PCDHGB2: variants seen among roughly 807,000 people sequenced by gnomAD.
PCDHGB2 encodes protocadherin gamma subfamily B, 2, also known as protocadherin gamma-B2.
In PCDHGB2, 55 loss-of-function variants were observed where a neutral mutation model predicts 59.3. The observed-to-expected ratio is 0.93, with a 90% confidence interval of 0.75 to 1.16. The LOEUF (loss-of-function observed/expected upper bound fraction) is 1.16, where lower values mean the gene tolerates loss of function less well. Ranked by LOEUF, PCDHGB2 falls within the 50% of genes most tolerant of loss-of-function variation. The pLI, the probability that PCDHGB2 is intolerant of heterozygous loss-of-function variation, is 0.00. For synonymous variants in PCDHGB2, 516 were observed against 512.0 expected (o/e 1.01, Z -0.11); for missense variants, 1,228 against 1,198.5 (o/e 1.02, Z -0.36).
rs1002764667 is a variant in PCDHGB2, at chr5:141,468,260, G to A, written c.2422-26547G>A. 4.0e-5 allele frequency among the ~76,000 whole-genome samples: 6 copies of A among 150,102 alleles called. No homozygotes were observed. The East Asian group carries it at 1.2e-3, about 30-fold the overall frequency. ...GAATTGCCTGAACCTGGGAGGCAGA[G>A]GTTGTGGTGAGCCGAGACCACGCCA... On this transcript the variant is annotated intron_variant, in intron 1 of 3. Coordinates refer to ENST00000522605, the MANE Select transcript of PCDHGB2 (RefSeq NM_018923.3).
At chr5:141,461,981 G>A (rs755173695) in intron 1 of PCDHGB2, among the ~76,000 whole-genome samples, 4 of 152,078 alleles carry the variant, frequency 2.6e-5, no homozygotes, top group Non-Finnish European at 5.9e-5. Context: ...ATGCCACCAC[G>A]CCAGGCTAAT....
intron 3 of PCDHGB2, among the ~76,000 whole-genome samples, chr5:141,510,147 C>T (rs1416633745): frequency 1.3e-5 from 2 of 151,984 alleles, no homozygotes; most frequent in Non-Finnish European, 2.9e-5. Flanking sequence ...GTGGTGTGCA[C>T]CTGTAATCTC....
intron 1 of PCDHGB2, chr5:141,388,296 T>G: frequency 1.2e-6 from 2 of 1,613,704 alleles, no homozygotes; most frequent in Non-Finnish European, 1.7e-6. Flanking sequence ...GCAAAATTCC[T>G]TTGAGCTGCA....
chr5:141,383,820 A>T, intron 1 of PCDHGB2: 1 of 1,613,924 alleles, frequency 6.2e-7, no homozygotes, highest in East Asian at 2.2e-5. Context: ...TAGAAGGATT[A>T]GATTATGAAG....
At chr5:141,394,019 T>C in intron 1 of PCDHGB2, 1 of 1,613,522 alleles carries the variant, frequency 6.2e-7, no homozygotes, top group Non-Finnish European at 8.5e-7. Flanking sequence ...GTAATTATTA[T>C]AGATTAGTGA....
chr5:141,497,502 T>C (rs1216218103), intron 2 of PCDHGB2, among the ~76,000 whole-genome samples: 1 of 151,628 alleles, frequency 6.6e-6, no homozygotes, highest in East Asian at 1.9e-4. Flanking sequence ...CTCTCCTCTC[T>C]CTGCTTCCTT....
rs143907071 is a variant in PCDHGB2, at chr5:141,372,926, G to A, written c.2421+10370G>A. 48 of 943,814 alleles carry A rather than the reference G, an allele frequency of 5.1e-5. No individual in the cohort carries two copies. In the African/African-American group the frequency reaches 7.5e-4, roughly 15 times the overall value. 58.5% of individuals were successfully genotyped at this position (943,814 alleles called of 1,614,324 possible). On this transcript the variant is annotated intron_variant, in intron 1 of 3. Coordinates refer to ENST00000522605, the MANE Select transcript of PCDHGB2 (RefSeq NM_018923.3). ...GATTACATTATTTTATTGATTTTCT[G>A]GTGTAGAGTAGGGTGTCTAGGAAAT...
At chr5:141,397,706 T>G (rs2093559040) in intron 1 of PCDHGB2, among the ~76,000 whole-genome samples, 1 of 152,246 alleles carries the variant, frequency 6.6e-6, no homozygotes, top group African/African-American at 2.4e-5. Flanking sequence ...CAACGTGATA[T>G]TTCTAACAAT....
intron 1 of PCDHGB2, chr5:141,371,710 CTCT>C: frequency 6.2e-7 from 1 of 1,614,076 alleles, no homozygotes; most frequent in Non-Finnish European, 8.5e-7. Flanking sequence ...AAGACCATCA[CTCT>C]GCACATCCTT....
In PCDHGB2 at chr5:141,511,125, A is replaced by T. The variant is rs755685600; in HGVS notation, c.2748A>T (p.Ala916=). Residue 916 remains alanine, a synonymous_variant, in exon 4 of 4, where the codon GCA becomes GCT. Transcript: ENST00000522605. ...GCAAGCGGGATGGCAAGGCCCCAGCAGGTGGCAATGGCAACAAGAAGAAGT... is the reference window on the plus strand; with the variant it reads ...GCAAGCGGGATGGCAAGGCCCCAGCTGGTGGCAATGGCAACAAGAAGAAGT... ...AAGKRDGKAP[A]GGNGNKKKSG... 2 of 1,614,216 alleles carry T rather than the reference A, an allele frequency of 1.2e-6. No individual in the cohort carries two copies. The highest frequency in any genetic ancestry group is 2.2e-5 in the South Asian group (2 of 91,092).
rs2734872 is a variant in PCDHGB2 at position 141,474,454 on chromosome 5, C to T, written c.2422-20353C>T. On this transcript the variant is annotated intron_variant, in intron 1 of 3. Transcript: ENST00000522605. ...ACACTTTGAGTAGCAAGTGATTGGG[C>T]TATACTCTTTATTCTAAATTCTAAA... Among the ~76,000 whole-genome samples, 6 of 152,308 alleles carry T rather than the reference C, an allele frequency of 3.9e-5. No individual in the cohort carries two copies. The East Asian group carries it at 1.2e-3, about 29-fold the overall frequency.
chr5:141,366,580 G>A (rs759906003), intron 1 of PCDHGB2: 19 of 1,614,132 alleles, frequency 1.2e-5, no homozygotes, highest in Non-Finnish European at 4.2e-6. Context: ...GGGCTTTCCT[G>A]CAGACCTATT....
At position 141,477,811 on chromosome 5, in the gene PCDHGB2, C is replaced by T. The variant is rs1211574518; in HGVS notation, c.2422-16996C>T. The T allele has an allele frequency of 6.2e-7, 1 of 1,614,164 alleles. No homozygotes were observed. The highest frequency in any genetic ancestry group is 8.5e-7 in the Non-Finnish European group (1 of 1,180,026). ...TCACTGATCGCAATGACAATGCCCC[C>T]CAGGTCCTATATCCTCGGCCAGGTG... is the stretch of plus-strand genomic sequence containing the variant. On this transcript the variant is annotated intron_variant, in intron 1 of 3. Transcript: ENST00000522605. The surrounding 1 kb of genome is among the most constrained non-coding windows in gnomAD (Gnocchi z 4.9).
At chr5:141,365,004 C>T (rs746525916) in intron 1 of PCDHGB2, 10 of 1,613,936 alleles carry the variant, frequency 6.2e-6, no homozygotes, top group South Asian at 4.4e-5. Flanking sequence ...CTCTCCGGCA[C>T]CACGCACATC....
intron 1 of PCDHGB2, among the ~76,000 whole-genome samples, chr5:141,454,458 G>A (rs535843071): frequency 5.3e-5 from 8 of 152,322 alleles, no homozygotes; most frequent in Non-Finnish European, 1.5e-5. Flanking sequence ...CCAGGCTGGA[G>A]TGCAATGGCA....
Position 141,491,699 on chromosome 5 carries a change from A to G in PCDHGB2, c.2422-3108A>G. The G allele has an allele frequency of 6.2e-7, 1 of 1,612,008 alleles. No individual in the cohort carries two copies. The highest frequency in any genetic ancestry group is 1.1e-5 in the South Asian group (1 of 90,926). ...TCTAATACGCTGCGGGAGCGGAGCC[A>G]GGTGAGGGGCTCGGCGCCGCCCCGG... On this transcript the variant is annotated intron_variant, in intron 1 of 3. Transcript: ENST00000522605. The surrounding 1 kb of genome is among the most constrained non-coding windows in gnomAD (Gnocchi z 6.9).
At chr5:141,425,379 G>A (rs1330938768) in intron 1 of PCDHGB2, among the ~76,000 whole-genome samples, 7 of 152,152 alleles carry the variant, frequency 4.6e-5, no homozygotes, top group African/African-American at 4.8e-5. Context: ...ATGTTGATTC[G>A]GAGGTAGTGA....
At chr5:141,371,350 T>C in intron 1 of PCDHGB2, 1 of 1,613,854 alleles carries the variant, frequency 6.2e-7, no homozygotes, top group Non-Finnish European at 8.5e-7. Context: ...ACAATTGGGG[T>C]GGAAGCAAAG....
chr5:141,384,247 C>T (rs1779885951), intron 1 of PCDHGB2: 1 of 1,613,912 alleles, frequency 6.2e-7, no homozygotes, highest in Non-Finnish European at 8.5e-7. Flanking sequence ...CGATAACCCA[C>T]CCACCTTCCC....
Sources: allele counts gnomAD v4.1 joint callset (sites outside exome capture counted in the v4.1 genomes callset), GRCh38; gene constraint gnomAD v4.1.1; non-coding constraint Gnocchi (gnomAD v3.1); transcripts MANE v1.5; gene names NCBI Gene and HGNC (gene_info 2026-07-23, HGNC 2026-07-21).